AGMO: variants seen among roughly 807,000 people sequenced by gnomAD.
AGMO encodes the protein glyceryl-ether monooxygenase.
Under a neutral mutation model 60.2 loss-of-function variants are expected in AGMO, and 75 were observed. The observed-to-expected ratio is 1.25, with a 90% confidence interval of 1.03 to 1.51. The LOEUF is 1.51. Among genes scored for constraint, AGMO ranks in the 40% most tolerant of loss-of-function variants. AGMO has a pLI of 0.00. For missense variants in AGMO, 763 were observed against 525.5 expected (o/e 1.45, Z -4.42); for synonymous variants, 261 against 177.1 (o/e 1.47, Z -3.76).
At chr7:15,312,958 C>T (rs1332492812) in intron 12 of AGMO, among the ~76,000 whole-genome samples, 1 of 152,092 alleles carries the variant, frequency 6.6e-6, no homozygotes, top group African/African-American at 2.4e-5. Context: ...CATGAGCCAC[C>T]ACATGCAGCC....
chr7:15,468,202 T>A (rs1782343008), intron 3 of AGMO, among the ~76,000 whole-genome samples: 1 of 152,216 alleles, frequency 6.6e-6, no homozygotes, highest in Non-Finnish European at 1.5e-5. Context: ...AATACTGTTG[T>A]AGCTGTTACA....
intron 12 of AGMO, among the ~76,000 whole-genome samples, chr7:15,251,882 G>C (rs75209101): frequency 0.064 from 9,671 of 152,226 alleles, 1,019 homozygotes; most frequent in African/African-American, 0.22. Flanking sequence ...AGTGTTCCTT[G>C]CAAGAGGCAT....
At chr7:15,234,374 CA>C (rs1014260051) in intron 12 of AGMO, among the ~76,000 whole-genome samples, 1 of 152,122 alleles carries the variant, frequency 6.6e-6, no homozygotes, top group African/African-American at 2.4e-5. Context: ...CCCCACACAG[CA>C]AAAGTCCAAA....
intron 12 of AGMO, among the ~76,000 whole-genome samples, chr7:15,347,749 G>A (rs1261010624): frequency 6.6e-6 from 1 of 151,976 alleles, no homozygotes; most frequent in Non-Finnish European, 1.5e-5. Flanking sequence ...ATAGCTCTGT[G>A]CAGATCAAGC....
chr7:15,390,000 C>T (rs1784072758), intron 8 of AGMO, among the ~76,000 whole-genome samples: 1 of 152,090 alleles, frequency 6.6e-6, no homozygotes, highest in African/African-American at 2.4e-5. Flanking sequence ...CTGTCATTGA[C>T]CCACCTCTTC....
chr7:15,354,415 T>TATACAGACGCGTGTATATAGACGC (rs1563105415), intron 12 of AGMO, among the ~76,000 whole-genome samples: 1 of 23,092 alleles, frequency 4.3e-5, no homozygotes, highest in Non-Finnish European at 6.7e-5. Flanking sequence ...TACACACGTG[T>TATACAGACGCGTGTATATAGACGC]GTGTATACAC....
rs573707838 is a variant in AGMO at position 15,426,457 on chromosome 7, C to A, written c.513+4548G>T. On this transcript the variant is annotated intron_variant, in intron 4 of 12. Coordinates refer to ENST00000342526, the MANE Select transcript of AGMO (RefSeq NM_001004320.2). ...AACCAACCAAACAAACAAACAAAAA[C>A]CAAAATCTTCCCCAGGCGCGGTGGC... Among the ~76,000 whole-genome samples the A allele has an allele frequency of 5.9e-5, 9 of 151,976 alleles. No individual in the cohort carries two copies. The East Asian group carries it at 1.8e-3, about 30-fold the overall frequency.
chr7:15,432,408 C>G (rs1315843121), intron 3 of AGMO, among the ~76,000 whole-genome samples: 3 of 95,712 alleles, frequency 3.1e-5, no homozygotes, highest in Non-Finnish European at 4.6e-5. Context: ...TTGGCCATTG[C>G]TTTCAAAATG....
chr7:15,319,381 G>T (rs1197943474), intron 12 of AGMO, among the ~76,000 whole-genome samples: 1 of 152,114 alleles, frequency 6.6e-6, no homozygotes. Flanking sequence ...TCAGTCTAAA[G>T]TCTTTCAAAA....
chr7:15,520,074 A>G (rs1204775437), intron 3 of AGMO, among the ~76,000 whole-genome samples: 1 of 152,098 alleles, frequency 6.6e-6, no homozygotes, highest in Non-Finnish European at 1.5e-5. Context: ...CATATTTTAC[A>G]CCAACAAAGA....
At chr7:15,386,745 T>C (rs938213526) in intron 9 of AGMO, among the ~76,000 whole-genome samples, 1 of 152,224 alleles carries the variant, frequency 6.6e-6, no homozygotes, top group African/African-American at 2.4e-5. Flanking sequence ...TGCATTACTA[T>C]ACATTTATTT....
At chr7:15,328,746 CA>C (rs1391135366) in intron 12 of AGMO, among the ~76,000 whole-genome samples, 1 of 152,156 alleles carries the variant, frequency 6.6e-6, no homozygotes, top group Non-Finnish European at 1.5e-5. Flanking sequence ...CTCTGCTCAC[CA>C]ATTTCCAAGA....
intron 8 of AGMO, 85 bp downstream of exon 8, chr7:15,390,585 TC>T: frequency 4.5e-6 from 5 of 1,112,742 alleles, no homozygotes; most frequent in Non-Finnish European, 6.5e-6. Flanking sequence ...TAATATACTT[TC>T]ACTTTTCTAC....
intron 3 of AGMO, among the ~76,000 whole-genome samples, chr7:15,542,927 A>G (rs985461004): frequency 6.6e-5 from 10 of 152,202 alleles, no homozygotes; most frequent in African/African-American, 2.4e-4. Flanking sequence ...TTAAGTGCAC[A>G]TGTTTAAGGT....
intron 3 of AGMO, among the ~76,000 whole-genome samples, chr7:15,493,373 T>G: frequency 9.5e-6 from 1 of 105,008 alleles, no homozygotes; most frequent in Non-Finnish European, 1.9e-5. Flanking sequence ...TTCTTTTTTT[T>G]TTTTTTTTTT....
At position 15,418,618 on chromosome 7, in the gene AGMO, AGG is replaced by A; in HGVS notation, c.547_548del (p.Pro183PhefsTer24). The A allele has an allele frequency of 6.3e-7, 1 of 1,582,180 alleles. No homozygotes were observed. ...ATTGAAGATGAACAGCATATACTGA[AGG>A]GGGTATGAAGAGGGCCAGGGGAGAG... is the stretch of plus-strand genomic sequence containing the variant. Reference protein sequence around the residue: ...FYSPLALFIPPSVYAVHLQFN... With the variant: ...FYSPLALFIPXSVYAVHLQFN... On this transcript the variant is annotated frameshift_variant, in exon 5 of 13. Transcript: ENST00000342526. LOFTEE classifies it high-confidence loss of function.
chr7:15,395,475 G>C (rs901732704), intron 5 of AGMO, among the ~76,000 whole-genome samples: 2 of 151,936 alleles, frequency 1.3e-5, no homozygotes, highest in Admixed American at 1.3e-4. Flanking sequence ...GTATTAATAG[G>C]AAAAAATATT....
the AGMO span, among the ~76,000 whole-genome samples, chr7:15,168,720 C>T: frequency 5.1e-4 from 78 of 152,290 alleles, no homozygotes; most frequent in African/African-American, 1.7e-3. Flanking sequence ...GAAGTATGCA[C>T]GCTCTGTCAC....
At chr7:15,547,941 G>A (rs1039640607) in intron 2 of AGMO, among the ~76,000 whole-genome samples, 8 of 152,058 alleles carry the variant, frequency 5.3e-5, no homozygotes, top group African/African-American at 1.7e-4. Context: ...AGAGAGCAGT[G>A]GTTCTCCCAG....
Sources: gnomAD v4.1 joint callset for allele counts (sites outside exome capture counted in the v4.1 genomes callset) on GRCh38, gnomAD v4.1.1 for gene constraint, MANE v1.5 for transcripts, NCBI Gene and HGNC (gene_info 2026-07-23, HGNC 2026-07-21) for gene names.